The following CDKL5 variants were observed in gnomAD, a reference collection of about 807,000 sequenced individuals.
CDKL5 encodes cyclin-dependent kinase-like 5.
In CDKL5, 8 loss-of-function variants were observed where a neutral mutation model predicts 61.7. That is an observed-to-expected ratio of 0.13 (90% confidence interval 0.08 to 0.23). CDKL5 has a LOEUF of 0.23. Among genes scored for constraint, CDKL5 ranks in the 10% least tolerant of loss-of-function variants. The pLI, the probability that CDKL5 is intolerant of heterozygous loss-of-function variation, is 1.00. For synonymous variants in CDKL5, 275 were observed against 272.3 expected, an observed-to-expected ratio of 1.01 and a Z score of -0.10; for missense variants, 440 against 734.5, an observed-to-expected ratio of 0.60 and a Z score of 4.63.
At chrX:18,428,724 T>G (rs911749113) in intron 1 of CDKL5, among the ~76,000 whole-genome samples, 2 of 91,594 alleles carry the variant, frequency 2.2e-5, no homozygotes, top group Non-Finnish European at 4.5e-5. Context: ...GATTTTAAAG[T>G]TTTTTTTTTT....
At chrX:18,454,894 T>A (rs1256493368) in intron 1 of CDKL5, among the ~76,000 whole-genome samples, 1 of 101,404 alleles carries the variant, frequency 9.9e-6, no homozygotes, top group Non-Finnish European at 2.0e-5. Context: ...AAGTGTATTT[T>A]TTTTTTTTTT....
At chrX:18,427,511 T>C (rs2147611835) in intron 1 of CDKL5, among the ~76,000 whole-genome samples, 1 of 109,572 alleles carries the variant, frequency 9.1e-6, no homozygotes, top group African/African-American at 3.3e-5. Context: ...ATTCCAAGAG[T>C]GTTAGATATT....
downstream of CDKL5, chrX:18,641,942 G>A: frequency 8.8e-7 from 1 of 1,139,447 alleles, no homozygotes; most frequent in Admixed American, 2.3e-5. Flanking sequence ...GTGTGTGAGG[G>A]GGTCCCCTAC....
At position 18,592,610 on chromosome X, in the gene CDKL5, A is replaced by C. The variant is rs1470207763; in HGVS notation, c.745-2738A>C. Among the ~76,000 whole-genome samples, 3 of 112,710 alleles carry C rather than the reference A, an allele frequency of 2.7e-5. No individual in the cohort carries two copies. The South Asian group carries it at 1.1e-3, about 41-fold the overall frequency. On this transcript the variant is annotated intron_variant, in intron 9 of 17. Coordinates refer to ENST00000623535, the MANE Select transcript of CDKL5 (RefSeq NM_001323289.2). ...CTGCCTCCATCACACTTTGACTTTTATAAACCTTAATACTTTACATTTTAG... is the reference window on the plus strand; with the variant it reads ...CTGCCTCCATCACACTTTGACTTTTCTAAACCTTAATACTTTACATTTTAG...
At chrX:18,608,695 A>G (rs1286861356) in intron 12 of CDKL5, 116 bp from the exon 13 acceptor site, 1 of 525,797 alleles carries the variant, frequency 1.9e-6, no homozygotes. Context: ...ATTTTAGCCA[A>G]CTAACATTTT....
chrX:18,556,055 A>G (rs1414798059), intron 3 of CDKL5, among the ~76,000 whole-genome samples: 1 of 111,966 alleles, frequency 8.9e-6, no homozygotes, highest in Non-Finnish European at 1.9e-5. Flanking sequence ...TTTCTATAGT[A>G]CTTGGCAAAT....
intron 3 of CDKL5, among the ~76,000 whole-genome samples, chrX:18,523,647 G>A (rs1252452179): frequency 8.9e-6 from 1 of 111,776 alleles, no homozygotes. Context: ...TTCTTTATCA[G>A]GTTGAGGAAC....
In CDKL5 at chrX:18,517,693, A is replaced by C. The variant is rs190463811; in HGVS notation, c.99+6839A>C. On this transcript the variant is annotated intron_variant, in intron 3 of 17. Transcript: ENST00000623535. ...AATACCTATATAGTGGAAACTCTTG[A>C]GTAATTTAAGCATAGCTCTTTATCA... Among the ~76,000 whole-genome samples the C allele has an allele frequency of 1.3e-4, 14 of 111,717 alleles. No individual in the cohort carries two copies. In the East Asian group the frequency reaches 3.9e-3, roughly 31 times the overall value.
intron 1 of CDKL5, among the ~76,000 whole-genome samples, chrX:18,430,475 G>A (rs908901257): frequency 9.0e-6 from 1 of 111,648 alleles, no homozygotes; most frequent in Non-Finnish European, 1.9e-5. Context: ...ATGGAGTCTC[G>A]CTCTGTTGCC....
intron 7 of CDKL5, among the ~76,000 whole-genome samples, chrX:18,583,569 A>G (rs917008828): frequency 3.6e-5 from 4 of 111,929 alleles, no homozygotes; most frequent in Non-Finnish European, 7.5e-5. Context: ...CTGATTCTCT[A>G]TAACTATTCA....
intron 3 of CDKL5, among the ~76,000 whole-genome samples, chrX:18,549,557 C>A (rs986748915): frequency 8.9e-6 from 1 of 112,092 alleles, no homozygotes; most frequent in East Asian, 2.8e-4. Flanking sequence ...GTCTTCTGAT[C>A]TTTTCTTTTA....
intron 1 of CDKL5, among the ~76,000 whole-genome samples, chrX:18,486,531 T>C (rs1921800026): frequency 8.9e-6 from 1 of 112,412 alleles, no homozygotes; most frequent in Non-Finnish European, 1.9e-5. Context: ...TCAAGCACAA[T>C]GGCATATAGC....
intron 1 of CDKL5, among the ~76,000 whole-genome samples, chrX:18,443,422 T>G (rs751449204): frequency 8.9e-6 from 1 of 112,191 alleles, no homozygotes; most frequent in Non-Finnish European, 1.9e-5. Flanking sequence ...CACAGGGGTT[T>G]GTTGTACATA....
rs1176980705 is a variant in CDKL5 at position 18,546,229 on chromosome X, A to G, written c.100-18248A>G. Among the ~76,000 whole-genome samples, 3 of 107,633 alleles carry G rather than the reference A, an allele frequency of 2.8e-5. No homozygotes were observed. In the East Asian group the frequency reaches 8.7e-4, roughly 31 times the overall value. The allele number at this position is 107,633 out of a possible 115,157, so 93.5% of individuals were successfully genotyped here. Reference sequence around the variant, plus strand: ...ATAATATTTGTTTTTACTTTCTGCCATGTTTAAGTTACATATCTTCTACTT... The same window carrying G: ...ATAATATTTGTTTTTACTTTCTGCCGTGTTTAAGTTACATATCTTCTACTT... On this transcript the variant is annotated intron_variant, in intron 3 of 17. Transcript: ENST00000623535.
rs1166036832 is a variant in CDKL5, at chrX:18,631,620, G to GT, written c.*2864dup. ...TGACATCCATGTCCTATTATCGGCC[G>GT]TAACTTCCTAAAGAAGAAAAAGGGT... On this transcript the variant is annotated 3_prime_UTR_variant, in exon 18 of 18. Transcript: ENST00000623535. 1.5e-5 allele frequency: 11 copies of GT among 752,774 alleles called. No homozygotes were observed. The highest frequency in any genetic ancestry group is 1.6e-5 in the Non-Finnish European group (10 of 639,034). 62.0% of individuals were successfully genotyped at this position (752,774 alleles called of 1,213,427 possible). A position where few individuals can be genotyped will look rare whatever the true frequency, so the allele number is the denominator to read the frequency against.
intron 4 of CDKL5, among the ~76,000 whole-genome samples, chrX:18,568,761 AT>A (rs1175000111): frequency 9.1e-6 from 1 of 110,389 alleles, no homozygotes; most frequent in Non-Finnish European, 1.9e-5. Context: ...TAGCATGGTC[AT>A]GGCTCAGTGC....
chrX:18,627,849 G>C (rs1368732382), intron 17 of CDKL5: 2 of 108,107 alleles, frequency 1.9e-5, no homozygotes, highest in African/African-American at 6.8e-5. Context: ...GCAATATCGA[G>C]AGAGGGAAAT....
At chrX:18,493,800 T>TA (rs771626538) in intron 1 of CDKL5, among the ~76,000 whole-genome samples, 1 of 112,389 alleles carries the variant, frequency 8.9e-6, no homozygotes, top group African/African-American at 3.2e-5. Context: ...CAGAAAATAT[T>TA]ACCCCAAAGA....
intron 21 of CDKL5, among the ~76,000 whole-genome samples, chrX:18,652,561 T>C (rs980678951): frequency 9.0e-6 from 1 of 110,839 alleles, no homozygotes; most frequent in African/African-American, 3.3e-5. Context: ...CCCAGCTACT[T>C]GGGAGGCTGA....
Sources: gnomAD v4.1 joint callset for allele counts (sites outside exome capture counted in the v4.1 genomes callset) on GRCh38, gnomAD v4.1.1 for gene constraint, MANE v1.5 for transcripts, NCBI Gene and HGNC (gene_info 2026-07-23, HGNC 2026-07-21) for gene names.